The following KIF16B variants were observed in gnomAD, a reference collection of about 807,000 sequenced individuals.
KIF16B encodes the protein kinesin-like protein KIF16B.
In KIF16B, 98 loss-of-function variants were observed where a neutral mutation model predicts 156.3. That is an observed-to-expected ratio of 0.63 (90% confidence interval 0.53 to 0.74). The LOEUF is 0.74. Ranked by LOEUF, KIF16B falls within the 30% of genes least tolerant of loss-of-function variation. The pLI is 0.00. For synonymous variants in KIF16B, 564 were observed against 583.7 expected, an observed-to-expected ratio of 0.97 and a Z score of 0.49; for missense variants, 1,421 against 1,606.5, an observed-to-expected ratio of 0.88 and a Z score of 1.97.
chr20:16,484,386 A>G (rs577866595), intron 12 of KIF16B, among the ~76,000 whole-genome samples: 46 of 152,178 alleles, frequency 3.0e-4, no homozygotes, highest in Non-Finnish European at 6.0e-4. Flanking sequence ...TCCCCCTGTT[A>G]ATTATCAAGT....
chr20:16,546,258 C>T (rs940288517), intron 1 of KIF16B, among the ~76,000 whole-genome samples: 6 of 152,190 alleles, frequency 3.9e-5, no homozygotes, highest in Admixed American at 2.0e-4. Context: ...ACTAATTACA[C>T]AGCAACACTG....
chr20:16,289,548 C>G (rs936730148), intron 25 of KIF16B, among the ~76,000 whole-genome samples: 4 of 152,172 alleles, frequency 2.6e-5, no homozygotes, highest in South Asian at 2.1e-4. Flanking sequence ...ACTGGCAGAC[C>G]CTTTATTTAA....
At chr20:16,298,313 C>G (rs2063421048) in intron 25 of KIF16B, among the ~76,000 whole-genome samples, 1 of 152,338 alleles carries the variant, frequency 6.6e-6, no homozygotes, top group Non-Finnish European at 1.5e-5. Flanking sequence ...TTATGACAGT[C>G]TCCTGTAATG....
intron 24 of KIF16B, among the ~76,000 whole-genome samples, chr20:16,314,689 T>C (rs962909763): frequency 6.6e-6 from 1 of 152,210 alleles, no homozygotes; most frequent in Non-Finnish European, 1.5e-5. Context: ...GAAGATTTAG[T>C]GACTGGATTT....
chr20:16,393,045 A>G lies in KIF16B; in HGVS notation c.1785-11298T>C, dbSNP rs138120244. ...GAAGAATCATATTCAACGGCGTGAG[A>G]AAAAGCACACAATTAAATGTTTAAA... On this transcript the variant is annotated intron_variant, in intron 17 of 25. Transcript: ENST00000354981. Among the ~76,000 whole-genome samples the G allele has an allele frequency of 5.3e-3, 803 of 152,350 alleles. 6 individuals carry two copies. The highest frequency in any genetic ancestry group is 0.018 in the African/African-American group (751 of 41,578).
At chr20:16,288,646 G>A (rs941897421) in intron 25 of KIF16B, among the ~76,000 whole-genome samples, 4 of 150,642 alleles carry the variant, frequency 2.7e-5, no homozygotes, top group Non-Finnish European at 5.9e-5. Context: ...AGTAAACACA[G>A]TATGTACTGA....
In KIF16B at chr20:16,329,458, A is replaced by C. The variant is rs191258117; in HGVS notation, c.3711+6468T>G. On this transcript the variant is annotated intron_variant, in intron 24 of 25. Transcript: ENST00000354981. The stretch of plus-strand genomic sequence containing the variant: ...ATAGAGTCAAAAATACATAGTTTTC[A>C]TACAGAAAAAGCACTACAGAAATTA... Among the ~76,000 whole-genome samples, 228 of 152,340 alleles carry C rather than the reference A, an allele frequency of 1.5e-3. 2 individuals are homozygous for C. The highest frequency in any genetic ancestry group is 5.2e-3 in the African/African-American group (218 of 41,584).
chr20:16,458,083 C>T (rs899663110), intron 12 of KIF16B, among the ~76,000 whole-genome samples: 1 of 152,034 alleles, frequency 6.6e-6, no homozygotes, highest in Non-Finnish European at 1.5e-5. Flanking sequence ...CAGATCAAAA[C>T]GGTATAGTTT....
intron 24 of KIF16B, 128 bp from the exon 25 acceptor site, chr20:16,312,546 G>T: frequency 4.2e-6 from 3 of 711,696 alleles, no homozygotes; most frequent in Non-Finnish European, 7.0e-6. Context: ...AAAGATGGTG[G>T]GTCCTGCCTT....
At chr20:16,494,384 A>C (rs2068386026) in intron 11 of KIF16B, 34 bp from the exon 12 acceptor site, 1 of 1,365,222 alleles carries the variant, frequency 7.3e-7, no homozygotes, top group Non-Finnish European at 1.0e-6. Flanking sequence ...TGACTGCTTC[A>C]TAAAGAAAGT....
chr20:16,401,918 T>C (rs1454696519), intron 17 of KIF16B, among the ~76,000 whole-genome samples: 1 of 152,228 alleles, frequency 6.6e-6, no homozygotes, highest in African/African-American at 2.4e-5. Context: ...ATATTTGTAT[T>C]AAGTACATCT....
chr20:16,429,277 C>T, intron 13 of KIF16B, among the ~76,000 whole-genome samples: 1 of 152,172 alleles, frequency 6.6e-6, no homozygotes, highest in East Asian at 1.9e-4. Flanking sequence ...CTGATCCTTT[C>T]TGGGGAGGTT....
intron 12 of KIF16B, among the ~76,000 whole-genome samples, chr20:16,484,939 A>G (rs2146865393): frequency 6.6e-6 from 1 of 152,282 alleles, no homozygotes; most frequent in South Asian, 2.1e-4. Context: ...ATTTTTTTGC[A>G]AAAAATGACA....
chr20:16,395,830 G>A (rs1336858993), intron 17 of KIF16B, among the ~76,000 whole-genome samples: 1 of 151,978 alleles, frequency 6.6e-6, no homozygotes, highest in Non-Finnish European at 1.5e-5. Context: ...ACTCTAAGGA[G>A]GCCCATTTTC....
At chr20:16,532,174 G>A (rs895765824) in intron 1 of KIF16B, among the ~76,000 whole-genome samples, 1 of 42,560 alleles carries the variant, frequency 2.3e-5, no homozygotes, top group Non-Finnish European at 4.2e-5. Context: ...TATGATAATA[G>A]TATTATGACT....
chr20:16,544,701 C>T (rs2070339789), intron 1 of KIF16B, among the ~76,000 whole-genome samples: 1 of 151,704 alleles, frequency 6.6e-6, no homozygotes, highest in African/African-American at 2.4e-5. Flanking sequence ...CCATAACACA[C>T]CACAGCAGTT....
intron 1 of KIF16B, among the ~76,000 whole-genome samples, chr20:16,552,003 C>CA (rs1354140902): frequency 1.3e-5 from 2 of 152,226 alleles, no homozygotes; most frequent in African/African-American, 2.4e-5. Context: ...CAAGAGGGCT[C>CA]ATCTTGAGAT....
At chr20:16,368,198 TC>T (rs2064724718) in intron 22 of KIF16B, 1 of 1,056,912 alleles carries the variant, frequency 9.5e-7, no homozygotes, top group Non-Finnish European at 1.1e-6. Flanking sequence ...TGCACAAGGC[TC>T]TGCTTAAATG....
At chr20:16,444,483 T>C (rs6043951) in intron 12 of KIF16B, among the ~76,000 whole-genome samples, 150 of 152,352 alleles carry the variant, frequency 9.8e-4, no homozygotes, top group African/African-American at 3.5e-3. Flanking sequence ...TGTTCATTCA[T>C]TTACAAATTG....
Sources: gnomAD v4.1 joint callset for allele counts (sites outside exome capture counted in the v4.1 genomes callset) on GRCh38, gnomAD v4.1.1 for gene constraint, MANE v1.5 for transcripts, NCBI Gene and HGNC (gene_info 2026-07-23, HGNC 2026-07-21) for gene names.